GNA12: variants seen among roughly 807,000 people sequenced by gnomAD.
GNA12 encodes guanine nucleotide-binding protein subunit alpha-12.
A neutral mutation model predicts 26.0 loss-of-function variants in GNA12; 9 were observed. The ratio of observed to expected loss-of-function variants is 0.35; its 90% CI spans 0.21 to 0.60. GNA12 has a LOEUF of 0.60. Among genes scored for constraint, GNA12 ranks in the 20% least tolerant of loss-of-function variants. The pLI is 0.78. For missense variants in GNA12, 405 were observed against 525.8 expected (o/e 0.77, Z 2.25); for synonymous variants, 264 against 219.6 (o/e 1.20, Z -1.79).
chr7:2,740,475 G>A (rs1387455116), intron 2 of GNA12, among the ~76,000 whole-genome samples: 1 of 152,126 alleles, frequency 6.6e-6, no homozygotes, highest in Non-Finnish European at 1.5e-5. Flanking sequence ...AGAACCTGAT[G>A]GTGCTGCCAC....
chr7:2,792,782 C>G (rs1792552826), intron 2 of GNA12, among the ~76,000 whole-genome samples: 2 of 152,286 alleles, frequency 1.3e-5, no homozygotes, highest in South Asian at 4.1e-4. Context: ...AAGGAATGTG[C>G]AGATGGAAAG....
intron 1 of GNA12, among the ~76,000 whole-genome samples, chr7:2,821,815 T>A (rs975132219): frequency 6.6e-6 from 1 of 152,220 alleles, no homozygotes; most frequent in Non-Finnish European, 1.5e-5. Flanking sequence ...TACTAAAACA[T>A]GAAAAATACT....
At chr7:2,739,242 A>T (rs1413588156) in intron 2 of GNA12, among the ~76,000 whole-genome samples, 1 of 152,112 alleles carries the variant, frequency 6.6e-6, no homozygotes, top group Non-Finnish European at 1.5e-5. Flanking sequence ...TACCTTCAAA[A>T]TGTTGTACGG....
At chr7:2,766,461 C>T (rs1041553745) in intron 2 of GNA12, among the ~76,000 whole-genome samples, 1 of 150,412 alleles carries the variant, frequency 6.6e-6, no homozygotes, top group Non-Finnish European at 1.5e-5. Flanking sequence ...TCTTGGCTCA[C>T]TGCAACCTCC....
intron 2 of GNA12, among the ~76,000 whole-genome samples, chr7:2,780,048 GTACATATATATATATA>G (rs71026555): frequency 0.29 from 24,954 of 84,734 alleles, 3,200 homozygotes; most frequent in Non-Finnish European, 0.33. Flanking sequence ...ACATTTCTGT[GTACATATATATATATA>G]TATATATATA....
At chr7:2,741,594 A>C (rs1352645704) in intron 2 of GNA12, among the ~76,000 whole-genome samples, 1 of 152,156 alleles carries the variant, frequency 6.6e-6, no homozygotes, top group Non-Finnish European at 1.5e-5. Context: ...TATGTGTGAA[A>C]AGTTGCAAGA....
intron 1 of GNA12, among the ~76,000 whole-genome samples, chr7:2,805,822 C>T (rs571892637): frequency 6.6e-6 from 1 of 152,340 alleles, no homozygotes; most frequent in East Asian, 1.9e-4. Flanking sequence ...AAAACACTCA[C>T]TCATCTACGC....
At chr7:2,779,365 T>A (rs1792161659) in intron 2 of GNA12, among the ~76,000 whole-genome samples, 1 of 151,984 alleles carries the variant, frequency 6.6e-6, no homozygotes, top group Non-Finnish European at 1.5e-5. Flanking sequence ...AATAAATAAG[T>A]TGGGTGTGGT....
intron 2 of GNA12, among the ~76,000 whole-genome samples, chr7:2,740,602 T>A (rs1482221014): frequency 1.3e-5 from 2 of 152,132 alleles, no homozygotes; most frequent in African/African-American, 2.4e-5. Context: ...ATTATGAACT[T>A]GTGGATTTTC....
chr7:2,832,050 CT>C (rs1272416226), intron 1 of GNA12, among the ~76,000 whole-genome samples: 1 of 152,194 alleles, frequency 6.6e-6, no homozygotes, highest in Non-Finnish European at 1.5e-5. Flanking sequence ...CTCACCTTGA[CT>C]GAGCATCAAA....
chr7:2,804,943 T>A (rs552632557), intron 1 of GNA12, among the ~76,000 whole-genome samples: 1 of 151,732 alleles, frequency 6.6e-6, no homozygotes, highest in Non-Finnish European at 1.5e-5. Context: ...ACGCAGCTAA[T>A]GTTCATTTTA....
At chr7:2,737,193 C>T (rs1230093289) in intron 2 of GNA12, among the ~76,000 whole-genome samples, 1 of 149,940 alleles carries the variant, frequency 6.7e-6, no homozygotes. Flanking sequence ...AAACAAACAC[C>T]AACTTCCAGC....
chr7:2,790,990 AG>A (rs1562430528), intron 2 of GNA12, among the ~76,000 whole-genome samples: 1 of 151,516 alleles, frequency 6.6e-6, no homozygotes, highest in African/African-American at 2.4e-5. Context: ...AAAAAAAAAA[AG>A]GTAAAGAAAT....
chr7:2,820,011 G>T (rs534072231), intron 1 of GNA12, among the ~76,000 whole-genome samples: 1 of 152,288 alleles, frequency 6.6e-6, no homozygotes, highest in South Asian at 2.1e-4. Context: ...ACAAAACGGG[G>T]CGTAGCAAAA....
At chr7:2,762,355 C>T (rs1791600817) in intron 2 of GNA12, 1 of 388,422 alleles carries the variant, frequency 2.6e-6, no homozygotes, top group Non-Finnish European at 4.5e-6. Flanking sequence ...CACGATCCCA[C>T]CGAATCCAGA....
chr7:2,749,453 C>A (rs1032082469), intron 2 of GNA12, among the ~76,000 whole-genome samples: 1 of 145,180 alleles, frequency 6.9e-6, no homozygotes, highest in Non-Finnish European at 1.5e-5. Context: ...TAGGTGGGAA[C>A]TGAACAATGA....
chr7:2,834,348 A>G (rs1562450668), intron 1 of GNA12, among the ~76,000 whole-genome samples: 1 of 152,360 alleles, frequency 6.6e-6, no homozygotes, highest in South Asian at 2.1e-4. Context: ...TACCTCAGCC[A>G]GAATTAATCT....
At chr7:2,744,701 TCAGA>T (rs956773227) in intron 2 of GNA12, among the ~76,000 whole-genome samples, 1 of 152,060 alleles carries the variant, frequency 6.6e-6, no homozygotes, top group Non-Finnish European at 1.5e-5. Context: ...AAAGAAGGCT[TCAGA>T]CAATCAAACT....
chr7:2,811,569 G>A (rs988306481), intron 1 of GNA12, among the ~76,000 whole-genome samples: 5 of 152,232 alleles, frequency 3.3e-5, no homozygotes, highest in African/African-American at 1.2e-4. Flanking sequence ...AATCATTTGA[G>A]AAGGGACCTC....
Sources: allele counts gnomAD v4.1 joint callset (sites outside exome capture counted in the v4.1 genomes callset), GRCh38; gene constraint gnomAD v4.1.1; transcripts MANE v1.5; gene names NCBI Gene and HGNC (gene_info 2026-07-23, HGNC 2026-07-21).